The following DIAPH2 variants were observed in gnomAD, a reference collection of about 807,000 sequenced individuals.
The protein encoded by DIAPH2 is protein diaphanous homolog 2.
Under a neutral mutation model 92.7 loss-of-function variants are expected in DIAPH2, and 35 were observed. That is an observed-to-expected ratio of 0.38 (90% CI 0.29 to 0.50). DIAPH2 has a LOEUF of 0.50. DIAPH2 is among the 20% of genes least tolerant of loss of function. The pLI, the probability that DIAPH2 is intolerant of heterozygous loss-of-function variation, is 0.94. For missense variants in DIAPH2, 701 were observed against 819.5 expected (o/e 0.86, Z 1.77); for synonymous variants, 301 against 280.4 (o/e 1.07, Z -0.73).
intron 1 of DIAPH2, among the ~76,000 whole-genome samples, chrX:96,697,737 G>A (rs1308991902): frequency 9.0e-6 from 1 of 111,443 alleles, no homozygotes; most frequent in Non-Finnish European, 1.9e-5. Context: ...TATACTGCCT[G>A]AGAACCTCAA....
chrX:96,988,163 G>A (rs2066044902), intron 17 of DIAPH2, among the ~76,000 whole-genome samples: 1 of 109,066 alleles, frequency 9.2e-6, no homozygotes, highest in African/African-American at 3.3e-5. Flanking sequence ...TGATTAAGGC[G>A]ATGTGATCTT....
chrX:97,039,646 G>A (rs1486820786), intron 17 of DIAPH2, among the ~76,000 whole-genome samples: 3 of 111,211 alleles, frequency 2.7e-5, no homozygotes, highest in Non-Finnish European at 5.7e-5. Context: ...TCTCTTGGCA[G>A]GATTTCAGTC....
At chrX:97,391,244 G>C (rs2069656529) in intron 25 of DIAPH2, among the ~76,000 whole-genome samples, 1 of 111,388 alleles carries the variant, frequency 9.0e-6, no homozygotes, top group African/African-American at 3.3e-5. Context: ...TTATCAACTA[G>C]ATGGAAGGCA....
chrX:96,952,875 C>A (rs2065785198), intron 15 of DIAPH2, among the ~76,000 whole-genome samples: 1 of 110,425 alleles, frequency 9.1e-6, no homozygotes, highest in Admixed American at 9.7e-5. Context: ...TTAATACCAG[C>A]AATTTAGGAG....
chrX:97,539,852 A>G (rs1247912281), intron 26 of DIAPH2, among the ~76,000 whole-genome samples: 2 of 111,070 alleles, frequency 1.8e-5, no homozygotes, highest in African/African-American at 6.5e-5. Context: ...ACAAACCACA[A>G]AAAAATACAC....
chrX:97,142,261 T>C (rs181012555), intron 22 of DIAPH2, among the ~76,000 whole-genome samples: 1 of 111,540 alleles, frequency 9.0e-6, no homozygotes, highest in East Asian at 2.8e-4. Flanking sequence ...TAATGTCCTA[T>C]AGTTGAGATG....
chrX:97,332,885 C>G (rs757130802), intron 23 of DIAPH2, among the ~76,000 whole-genome samples: 1 of 111,861 alleles, frequency 8.9e-6, no homozygotes, highest in Admixed American at 9.5e-5. Context: ...TCTTAAACTC[C>G]TTTTTGCCCT....
chrX:96,747,228 T>C (rs1289752710), intron 3 of DIAPH2, among the ~76,000 whole-genome samples: 2 of 111,908 alleles, frequency 1.8e-5, no homozygotes, highest in Non-Finnish European at 3.8e-5. Context: ...TGGGAGTTCA[T>C]GTTGGAATTT....
At chrX:97,538,463 T>A (rs754961803) in intron 26 of DIAPH2, among the ~76,000 whole-genome samples, 1 of 111,892 alleles carries the variant, frequency 8.9e-6, no homozygotes, top group South Asian at 3.7e-4. Flanking sequence ...AGCTTTGTGA[T>A]CCCTTGCATT....
intron 16 of DIAPH2, among the ~76,000 whole-genome samples, chrX:96,961,405 T>G (rs377716363): frequency 7.4e-5 from 8 of 108,488 alleles, no homozygotes; most frequent in African/African-American, 2.7e-4. Context: ...GTCTTTCTTT[T>G]TTTTTTTTTC....
intron 26 of DIAPH2, among the ~76,000 whole-genome samples, chrX:97,556,863 A>G (rs893968369): frequency 2.3e-4 from 26 of 111,871 alleles, no homozygotes; most frequent in African/African-American, 8.1e-4. Context: ...AGGGGTAGAC[A>G]TAAATATACA....
chrX:97,280,102 G>A (rs1008950957), intron 23 of DIAPH2, among the ~76,000 whole-genome samples: 4 of 111,154 alleles, frequency 3.6e-5, no homozygotes, highest in Non-Finnish European at 7.5e-5. Context: ...TTTTAGATAG[G>A]AGAGGTAAAT....
intron 26 of DIAPH2, among the ~76,000 whole-genome samples, chrX:97,474,128 C>A (rs2070585783): frequency 8.9e-6 from 1 of 112,270 alleles, no homozygotes; most frequent in Non-Finnish European, 1.9e-5. Context: ...CTCTGTGGCC[C>A]ACAAAGCCTA....
At chrX:96,930,685 ATTAAT>A in intron 9 of DIAPH2, 43 bp from the exon 10 acceptor site, 2 of 966,348 alleles carry the variant, frequency 2.1e-6, no homozygotes, top group Non-Finnish European at 2.9e-6. Context: ...GCATTATTTC[ATTAAT>A]TTAATGTGTT....
chrX:97,344,337 G>A (rs1286587363), intron 23 of DIAPH2, among the ~76,000 whole-genome samples: 2 of 112,233 alleles, frequency 1.8e-5, no homozygotes, highest in East Asian at 5.6e-4. Context: ...TTGAGCCTGG[G>A]AGTTCGAGGC....
chrX:97,311,023 AG>A (rs1291575888), intron 23 of DIAPH2, among the ~76,000 whole-genome samples: 1 of 111,635 alleles, frequency 9.0e-6, no homozygotes, highest in Admixed American at 9.6e-5. Flanking sequence ...AATAAAAAAA[AG>A]AAAAAATTAG....
intron 4 of DIAPH2, among the ~76,000 whole-genome samples, chrX:96,803,228 C>T (rs1161895989): frequency 9.0e-6 from 1 of 111,674 alleles, no homozygotes; most frequent in African/African-American, 3.3e-5. Flanking sequence ...GATTAATTTA[C>T]ACCCCTACCA....
In DIAPH2 at chrX:97,600,896, T is replaced by A. The variant is rs2071590566; in HGVS notation, c.*1579T>A. 8.9e-6 allele frequency: 1 copy of A among 111,985 alleles called. No homozygotes were observed. The highest frequency in any genetic ancestry group is 3.2e-5 in the African/African-American group (1 of 30,807). 9.2% of individuals were successfully genotyped at this position (111,985 alleles called of 1,213,427 possible). On this transcript the variant is annotated 3_prime_UTR_variant, in exon 27 of 27. Coordinates refer to ENST00000324765, the MANE Select transcript of DIAPH2 (RefSeq NM_006729.5). ...TATATAGATGTATAATGATTCAAAC[T>A]GCTGCCTTTGCCTCCAGTGCATCCT... is the stretch of plus-strand genomic sequence containing the variant.
At chrX:97,323,417 C>G (rs1354886550) in intron 23 of DIAPH2, among the ~76,000 whole-genome samples, 3 of 100,854 alleles carry the variant, frequency 3.0e-5, no homozygotes, top group Non-Finnish European at 6.0e-5. Flanking sequence ...CGGTGAAACC[C>G]TGTCTCTACT....
Sources: allele counts gnomAD v4.1 joint callset (sites outside exome capture counted in the v4.1 genomes callset), GRCh38; gene constraint gnomAD v4.1.1; transcripts MANE v1.5; gene names NCBI Gene and HGNC (gene_info 2026-07-23, HGNC 2026-07-21).